ARSH: variants seen among roughly 807,000 people sequenced by gnomAD.
ARSH encodes arylsulfatase H.
ARSH carries 32 observed loss-of-function variants against 28.7 expected under a neutral mutation model. The observed-to-expected ratio is 1.11, with a 90% CI of 0.84 to 1.50. The LOEUF is 1.50. ARSH is among the 40% of genes most tolerant of loss of function. ARSH has a pLI of 0.00. For synonymous variants in ARSH, 176 were observed against 177.3 expected (o/e 0.99, Z 0.06); for missense variants, 440 against 452.4 (o/e 0.97, Z 0.25).
chrX:3,010,278 G>A (rs1265726156), intron 2 of ARSH, 127 bp downstream of exon 2: 2 of 900,091 alleles, frequency 2.2e-6, no homozygotes, highest in Non-Finnish European at 3.0e-6. Context: ...ATTCAAAGGT[G>A]GTTGTTATCC....
At chrX:3,026,107 G>C (rs1427683013) in intron 6 of ARSH, among the ~76,000 whole-genome samples, 1 of 111,022 alleles carries the variant, frequency 9.0e-6, no homozygotes, top group Non-Finnish European at 1.9e-5. Context: ...AAAACATCAG[G>C]ATGGCTTTAT....
chrX:3,009,885 TAGAC>T, intron 1 of ARSH, 141 bp from the exon 2 acceptor site: 1 of 661,583 alleles, frequency 1.5e-6, no homozygotes, highest in South Asian at 3.2e-5. Flanking sequence ...TATAAGGAAA[TAGAC>T]AGATTAAAGT....
rs1247840529 is a variant in ARSH, at chrX:3,006,576, C to G, written c.-37C>G. 1 of 1,123,242 alleles carries G rather than the reference C, an allele frequency of 8.9e-7. No individual in the cohort carries two copies. Among genetic ancestry groups the G allele is most frequent in the African/African-American group, 1.8e-5 (1 of 55,448 alleles). The allele number at this position is 1,123,242 out of a possible 1,213,427, so 92.6% of individuals were successfully genotyped here. On this transcript the variant is annotated 5_prime_UTR_variant, in exon 1 of 9. Transcript: ENST00000381130. ...TCAGGAGCTGCTGGCTGTCAGTGTC[C>G]CTGTGCTGTTTGTTTTGCGGTGTTG...
intron 5 of ARSH, among the ~76,000 whole-genome samples, chrX:3,021,123 C>A (rs2089882656): frequency 9.0e-6 from 1 of 110,590 alleles, no homozygotes; most frequent in South Asian, 3.7e-4. Flanking sequence ...ATAGCTATAA[C>A]ACTGTAGCCT....
intron 6 of ARSH, 44 bp downstream of exon 6, chrX:3,024,199 T>C (rs1032956287): frequency 9.1e-7 from 1 of 1,093,565 alleles, no homozygotes; most frequent in Non-Finnish European, 1.2e-6. Flanking sequence ...TTTAAATCAG[T>C]AGTCTCTATT....
chrX:3,017,109 C>T (rs1482934050), intron 4 of ARSH, among the ~76,000 whole-genome samples: 3 of 111,362 alleles, frequency 2.7e-5, no homozygotes, highest in Non-Finnish European at 5.6e-5. Flanking sequence ...CAGCCACCCA[C>T]TCAGCTCTCC....
chrX:3,019,143 T>C (rs547863257), intron 5 of ARSH, among the ~76,000 whole-genome samples: 7 of 108,621 alleles, frequency 6.4e-5, no homozygotes, highest in East Asian at 5.8e-4. Flanking sequence ...TGCGGGCCTG[T>C]AGTCCCAGCT....
In ARSH at chrX:3,029,363, A is replaced by C; in HGVS notation, c.1316A>C (p.Lys439Thr). ...CTGCACACGGTCAGGTGGCATCAGA[A>C]GGACTGTAAGTATGAAGGCTGTGGA... is the stretch of plus-strand genomic sequence containing the variant. ...VYLHTVRWHQ[K>T]DCATVWKAHY... is the part of the protein sequence containing the mutation. The change falls in exon 8 of 9, where the codon AAG (lysine) becomes ACG (threonine). Residue 439 changes from lysine to threonine, a missense_variant. Transcript: ENST00000381130. 1 of 1,209,093 alleles carries C rather than the reference A, an allele frequency of 8.3e-7. No individual in the cohort carries two copies. The highest frequency in any genetic ancestry group is 1.1e-6 in the Non-Finnish European group (1 of 894,195).
chrX:3,017,754 G>A (rs948510871), intron 4 of ARSH, among the ~76,000 whole-genome samples: 13 of 111,033 alleles, frequency 1.2e-4, no homozygotes, highest in African/African-American at 4.3e-4. Context: ...CCATGAAGGA[G>A]GTGGAAGAAA....
intron 6 of ARSH, among the ~76,000 whole-genome samples, chrX:3,026,248 G>A (rs2089898434): frequency 9.0e-6 from 1 of 110,807 alleles, no homozygotes; most frequent in Non-Finnish European, 1.9e-5. Context: ...GCTGCAGTGA[G>A]CTATGATTGC....
chrX:3,027,043 C>T (rs1468569611), intron 6 of ARSH, among the ~76,000 whole-genome samples: 1 of 110,093 alleles, frequency 9.1e-6, no homozygotes, highest in African/African-American at 3.3e-5. Context: ...CCACAACCTT[C>T]GCCTCCTGGG....
chrX:3,032,607 C>G (rs768544973), intron 8 of ARSH, among the ~76,000 whole-genome samples: 1 of 109,884 alleles, frequency 9.1e-6, no homozygotes, highest in African/African-American at 3.3e-5. Context: ...GAGGGAGAGA[C>G]AGAAGAGGGA....
chrX:3,024,255 T>C, intron 6 of ARSH, 100 bp downstream of exon 6: 1 of 911,807 alleles, frequency 1.1e-6, no homozygotes, highest in Non-Finnish European at 1.5e-6. Flanking sequence ...TTCAGATATT[T>C]TGATGTGAGT....
intron 5 of ARSH, among the ~76,000 whole-genome samples, chrX:3,021,899 G>C (rs2089885454): frequency 9.3e-6 from 1 of 107,498 alleles, no homozygotes; most frequent in African/African-American, 3.4e-5. Flanking sequence ...GTGTGTGTGT[G>C]TGTGTGTGTG....
chrX:3,020,943 G>T (rs1249458998), intron 5 of ARSH, among the ~76,000 whole-genome samples: 1 of 110,879 alleles, frequency 9.0e-6, no homozygotes, highest in Non-Finnish European at 1.9e-5. Context: ...CACACCATAT[G>T]TTATATACAT....
At chrX:3,022,971 G>A (rs906096142) in intron 5 of ARSH, among the ~76,000 whole-genome samples, 2 of 109,386 alleles carry the variant, frequency 1.8e-5, no homozygotes, top group African/African-American at 3.3e-5. Flanking sequence ...TATTTGAATC[G>A]TTTGGGGCAA....
At chrX:3,013,298 C>A in intron 3 of ARSH, 126 bp downstream of exon 3, 1 of 782,860 alleles carries the variant, frequency 1.3e-6, no homozygotes, top group Non-Finnish European at 1.8e-6. Flanking sequence ...TGAGATAAGA[C>A]ACTTGGAGAA....
intron 5 of ARSH, among the ~76,000 whole-genome samples, chrX:3,021,909 GTGTC>G (rs1167851202): frequency 1.9e-5 from 2 of 105,532 alleles, no homozygotes; most frequent in Non-Finnish European, 3.9e-5. Flanking sequence ...GTGTGTGTGT[GTGTC>G]TCTGTGTGTT....
chrX:3,031,744 A>G (rs2089914416), intron 8 of ARSH, among the ~76,000 whole-genome samples: 2 of 112,178 alleles, frequency 1.8e-5, no homozygotes, highest in Admixed American at 1.9e-4. Flanking sequence ...ATTTAACTAT[A>G]GAGGATTATA....
Sources: gnomAD v4.1 joint callset for allele counts (sites outside exome capture counted in the v4.1 genomes callset) on GRCh38, gnomAD v4.1.1 for gene constraint, MANE v1.5 for transcripts, NCBI Gene and HGNC (gene_info 2026-07-23, HGNC 2026-07-21) for gene names.